TMCO6: variants seen among roughly 807,000 people sequenced by gnomAD.
TMCO6 encodes transmembrane and coiled-coil domain-containing protein 6.
In TMCO6, 47 loss-of-function variants were observed where a neutral mutation model predicts 61.8. That is an observed-to-expected ratio of 0.76 (90% confidence interval 0.60 to 0.97). The LOEUF is 0.97. Among genes scored for constraint, TMCO6 ranks in the 50% least tolerant of loss-of-function variants. The probability of loss-of-function intolerance (pLI) is 0.00; values close to 1 mark genes in which losing one functional copy is unlikely to be tolerated. For missense variants in TMCO6, 557 were observed against 601.6 expected (o/e 0.93, Z 0.78); for synonymous variants, 261 against 254.2 (o/e 1.03, Z -0.25).
the TMCO6 span, among the ~76,000 whole-genome samples, chr5:140,605,976 T>A: frequency 1.5e-4 from 23 of 152,296 alleles, no homozygotes; most frequent in African/African-American, 5.5e-4. Flanking sequence ...ACCTAATTTG[T>A]TGGCATATCG....
At chr5:140,599,500 A>G in the TMCO6 span, among the ~76,000 whole-genome samples, 1 of 152,186 alleles carries the variant, frequency 6.6e-6, no homozygotes, top group Non-Finnish European at 1.5e-5. Flanking sequence ...AGTTGTTTTT[A>G]CCTTCTTAGC....
chr5:140,607,938 C>T, the TMCO6 span, among the ~76,000 whole-genome samples: 4 of 151,948 alleles, frequency 2.6e-5, no homozygotes, highest in Admixed American at 2.6e-4. Flanking sequence ...TACAGGCACT[C>T]ACCACCAGGC....
At chr5:140,624,862 T>C in the TMCO6 span, among the ~76,000 whole-genome samples, 1 of 148,362 alleles carries the variant, frequency 6.7e-6, no homozygotes, top group African/African-American at 2.5e-5. Flanking sequence ...CTTTCTTTTT[T>C]TTTTTTTTTT....
In TMCO6 at chr5:140,642,102, G is replaced by A. The variant is rs199908136; in HGVS notation, c.498+49G>A. ...TGTTCTTGGTTTAGATTTTAAAATT[G>A]TGCTTTTGGGACCAGTTTGAGCTGG... On this transcript the variant is annotated intron_variant, in intron 4 of 11. Coordinates refer to ENST00000394671, the MANE Select transcript of TMCO6 (RefSeq NM_018502.5). 3.8e-6 allele frequency: 6 copies of A among 1,573,334 alleles called. No individual in the cohort carries two copies. The East Asian group carries it at 1.1e-4, about 30-fold the overall frequency.
chr5:140,641,890 C>T lies in TMCO6; in HGVS notation c.335C>T (p.Thr112Ile). ...TFIRLEGSMR[T>I]LVGLLTSNQA... is the part of the protein sequence containing the mutation. The stretch of plus-strand genomic sequence containing the variant: ...CATAGGCTGGAGGGCAGCATGCGGA[C>T]CCTGGTCGGGCTCCTGACCAGCAAC... The change falls in exon 4 of 12, where the codon ACC becomes ATC. Residue 112 changes from threonine to isoleucine, a missense_variant. Thr to Ile is a moderately conservative substitution (Grantham distance 89). Transcript: ENST00000394671. 6.2e-7 allele frequency: 1 copy of T among 1,613,090 alleles called. No homozygotes were observed. Among genetic ancestry groups the T allele is most frequent in the Admixed American group, 1.7e-5 (1 of 60,006 alleles).
chr5:140,625,370 C>T, the TMCO6 span, among the ~76,000 whole-genome samples: 1 of 152,214 alleles, frequency 6.6e-6, no homozygotes, highest in Non-Finnish European at 1.5e-5. Context: ...ATTGAGGCCA[C>T]TTGCTATCTC....
chr5:140,643,155 G>C, intron 7 of TMCO6, 114 bp downstream of exon 7: 5 of 1,462,130 alleles, frequency 3.4e-6, no homozygotes, highest in Non-Finnish European at 4.6e-6. Context: ...TCCCTCCACT[G>C]TCTTCTCTTT....
At chr5:140,646,534 G>A (rs868329356), downstream of TMCO6, among the ~76,000 whole-genome samples, 2 of 151,944 alleles carry the variant, frequency 1.3e-5, no homozygotes, top group Admixed American at 6.6e-5. Context: ...ACCTCCTCCC[G>A]TCATTCCCAG....
the TMCO6 span, among the ~76,000 whole-genome samples, chr5:140,610,997 T>C: frequency 2.0e-5 from 3 of 152,144 alleles, no homozygotes; most frequent in Non-Finnish European, 2.9e-5. Context: ...TCTAATTCTA[T>C]TTTTCTGATG....
the TMCO6 span, among the ~76,000 whole-genome samples, chr5:140,629,319 TAATA>T: frequency 6.6e-6 from 1 of 151,164 alleles, no homozygotes. Context: ...AAAATAATAA[TAATA>T]AATAAATAAA....
At chr5:140,600,385 T>G in the TMCO6 span, among the ~76,000 whole-genome samples, 1 of 152,150 alleles carries the variant, frequency 6.6e-6, no homozygotes, top group South Asian at 2.1e-4. Context: ...TGTTTGAAAT[T>G]AACAATCAGT....
upstream of TMCO6, among the ~76,000 whole-genome samples, chr5:140,638,554 T>C (rs986495432): frequency 7.9e-6 from 1 of 126,842 alleles, no homozygotes; most frequent in Non-Finnish European, 1.6e-5. Context: ...GATTTCTTTC[T>C]TTCTTTCTTT....
chr5:140,601,585 C>T, the TMCO6 span, among the ~76,000 whole-genome samples: 5 of 152,146 alleles, frequency 3.3e-5, no homozygotes, highest in African/African-American at 1.2e-4. Context: ...GACAGAGTCT[C>T]GTTCTGTCAC....
At chr5:140,633,108 G>A in the TMCO6 span, 25 of 1,613,720 alleles carry the variant, frequency 1.5e-5, no homozygotes, top group Non-Finnish European at 1.9e-5. Flanking sequence ...GCTCCGGACA[G>A]GCTCTGGAAG....
chr5:140,624,430 A>C, the TMCO6 span, among the ~76,000 whole-genome samples: 1 of 151,784 alleles, frequency 6.6e-6, no homozygotes, highest in Non-Finnish European at 1.5e-5. Context: ...ATATTACCAG[A>C]GTTGTGTAAC....
At chr5:140,613,893 T>C in the TMCO6 span, among the ~76,000 whole-genome samples, 1 of 149,276 alleles carries the variant, frequency 6.7e-6, no homozygotes, top group Non-Finnish European at 1.5e-5. Flanking sequence ...CGTTTTTTTT[T>C]GTTGTTGTTG....
At chr5:140,606,429 A>G in the TMCO6 span, among the ~76,000 whole-genome samples, 141 of 152,156 alleles carry the variant, frequency 9.3e-4, no homozygotes, top group Non-Finnish European at 1.1e-3. Flanking sequence ...AGGTTTGTCA[A>G]TTTTGTTGAT....
In TMCO6 at chr5:140,645,067, A is replaced by G. The variant is rs749663267; in HGVS notation, c.1451A>G (p.Tyr484Cys). The change falls in exon 12 of 12, where the codon TAT becomes TGT. Residue 484 changes from tyrosine to cysteine, a missense_variant. Coordinates refer to ENST00000394671, the MANE Select transcript of TMCO6 (RefSeq NM_018502.5). ...QEEAQLQDRV[Y>C]ALQQTALQG ...GAGGCCCAGCTCCAGGATCGTGTGTATGCTCTCCAGCAGACAGCTCTTCAA... is the reference window on the plus strand; with the variant it reads ...GAGGCCCAGCTCCAGGATCGTGTGTGTGCTCTCCAGCAGACAGCTCTTCAA... The G allele has an allele frequency of 1.9e-6, 3 of 1,614,226 alleles. No homozygotes were observed. The Admixed American group carries it at 5.0e-5, about 27-fold the overall frequency.
At chr5:140,609,369 C>A in the TMCO6 span, 1,196 of 256,460 alleles carry the variant, frequency 4.7e-3, 16 homozygotes, top group African/African-American at 0.027. Flanking sequence ...AACATCCTGG[C>A]CGCCAAGAGG....
Sources: gnomAD v4.1 joint callset for allele counts (sites outside exome capture counted in the v4.1 genomes callset) on GRCh38, gnomAD v4.1.1 for gene constraint, MANE v1.5 for transcripts, NCBI Gene and HGNC (gene_info 2026-07-23, HGNC 2026-07-21) for gene names.